AP4B1: variants seen among roughly 807,000 people sequenced by gnomAD.
AP4B1 encodes AP-4 complex subunit beta-1.
Under a neutral mutation model 76.5 loss-of-function variants are expected in AP4B1, and 49 were observed. The observed-to-expected ratio is 0.64, with a 90% CI of 0.51 to 0.81. The LOEUF (loss-of-function observed/expected upper bound fraction) is 0.81, where lower values mean the gene tolerates loss of function less well. Ranked by LOEUF, AP4B1 falls within the 40% of genes least tolerant of loss-of-function variation. The pLI is 0.00. For missense variants in AP4B1, 911 were observed against 904.9 expected (o/e 1.01, Z -0.09); for synonymous variants, 330 against 333.3 (o/e 0.99, Z 0.11).
chr1:113,897,783 G>C (rs767021445), intron 7 of AP4B1, 57 bp downstream of exon 7: 174 of 1,568,812 alleles, frequency 1.1e-4, no homozygotes, highest in Non-Finnish European at 1.5e-4. Context: ...CCATTTCAAA[G>C]GGCAGGGTTT....
chr1:113,896,240 T>G lies in AP4B1; in HGVS notation c.1510+18A>C. The stretch of plus-strand genomic sequence containing the variant: ...ACTATGGGTCATGGCAAATACTATT[T>G]CCTTCTGAAAAACCCACCTATGCAG... On this transcript the variant is annotated intron_variant, in intron 8 of 9. Coordinates refer to ENST00000369569, the MANE Select transcript of AP4B1 (RefSeq NM_001253852.3). The G allele has an allele frequency of 6.2e-7, 1 of 1,613,708 alleles. No homozygotes were observed. The highest frequency in any genetic ancestry group is 8.5e-7 in the Non-Finnish European group (1 of 1,179,596).
chr1:113,904,134 C>A (rs1668665897), intron 1 of AP4B1, among the ~76,000 whole-genome samples: 1 of 152,136 alleles, frequency 6.6e-6, no homozygotes, highest in Admixed American at 6.5e-5. Context: ...GAATTCAAAC[C>A]ATCTGACATA....
chr1:113,904,945 C>T (rs865904191), upstream of AP4B1: 2 of 511,712 alleles, frequency 3.9e-6, no homozygotes, highest in African/African-American at 1.9e-5. Flanking sequence ...GCCCTACCGT[C>T]GGCCGGCAGG....
At position 113,897,858 on chromosome 1, in the gene AP4B1, C is replaced by G; in HGVS notation, c.1284G>C (p.Glu428Asp). ...AGTCTACCTCACTATCTTGAATGTT[C>G]TCTTCACAGCCGGGCAGGGCCTGAC... ...AVCQALPGCE[E>D]NIQDSEGKQA... Residue 428 changes from glutamate to aspartate, a missense_variant, in exon 7 of 10, where the codon GAG becomes GAC. Transcript: ENST00000369569. 1 of 1,614,174 alleles carries G rather than the reference C, an allele frequency of 6.2e-7. No individual in the cohort carries two copies. The highest frequency in any genetic ancestry group is 1.6e-4 in the Middle Eastern group (1 of 6,062).
At chr1:113,902,501 G>A (rs935693859) in intron 2 of AP4B1, 137 bp downstream of exon 2, 33 of 887,702 alleles carry the variant, frequency 3.7e-5, no homozygotes, top group African/African-American at 8.4e-5. Flanking sequence ...AGCAGTGGCT[G>A]AAAATCTGAG....
chr1:113,895,845 G>A lies in AP4B1; in HGVS notation c.1704C>T (p.Gly568=). Residue 568 remains glycine (G), a synonymous_variant, in exon 9 of 10, where the codon GGC becomes GGT. Transcript: ENST00000369569. ...TAGAGATAGTTGCCCAGTGGGCTTT[G>A]CCATACACTGGCACCAGTGTGTTGA... ...SDFNTLVPVY[G]KAHWATISKC... 6.2e-7 allele frequency: 1 copy of A among 1,614,238 alleles called. No individual in the cohort carries two copies. Among genetic ancestry groups the A allele is most frequent in the Non-Finnish European group, 8.5e-7 (1 of 1,180,032 alleles).
intron 3 of AP4B1, 94 bp downstream of exon 3, chr1:113,901,661 G>C: frequency 1.3e-6 from 2 of 1,531,606 alleles, no homozygotes; most frequent in South Asian, 2.3e-5. Flanking sequence ...CAGAACTGGG[G>C]CCACATTATT....
chr1:113,904,768 G>A lies in AP4B1; in HGVS notation c.-51C>T. 6.8e-7 allele frequency: 1 copy of A among 1,473,594 alleles called. No individual in the cohort carries two copies. Among genetic ancestry groups the A allele is most frequent in the Non-Finnish European group, 9.5e-7 (1 of 1,053,770 alleles). The allele number at this position is 1,473,594 out of a possible 1,614,324, so 91.3% of individuals were successfully genotyped here. On this transcript the variant is annotated 5_prime_UTR_variant, in exon 1 of 10. Transcript: ENST00000369569. ...CCACAGCTCCCACGGTAACTCGAGG[G>A]CTCCTTCTCGTCCTGATGTGGGAGC... is the stretch of plus-strand genomic sequence containing the variant.
At chr1:113,896,930 G>T in intron 7 of AP4B1, 1 of 183,956 alleles carries the variant, frequency 5.4e-6, no homozygotes, top group Non-Finnish European at 1.1e-5. Flanking sequence ...GATCACCTGA[G>T]GTCAGGAGTT....
rs184266726 is a variant in AP4B1, at chr1:113,895,339, C to T, written c.1946G>A (p.Arg649Gln). Residue 649 changes from arginine (R) to glutamine (Q), a missense_variant, in exon 10 of 10, where the codon CGG (arginine) becomes CAG (glutamine). Coordinates refer to ENST00000369569, the MANE Select transcript of AP4B1 (RefSeq NM_001253852.3). ...GAGGGTGTCAGGATGGAATTCTCCC[C>T]GCCAAGGCAACACTTGCTGATGAGC... ...KVAHQQVLPWRGEFHPDTLQM... is the reference protein window; with the variant it reads ...KVAHQQVLPWQGEFHPDTLQM... 14 of 1,614,164 alleles carry T rather than the reference C, an allele frequency of 8.7e-6. 1 individual carries two copies. The highest frequency in any genetic ancestry group is 6.7e-5 in the Admixed American group (4 of 60,026).
chr1:113,903,693 T>C (rs553659710), intron 1 of AP4B1, among the ~76,000 whole-genome samples: 7 of 152,282 alleles, frequency 4.6e-5, no homozygotes, highest in African/African-American at 1.7e-4. Flanking sequence ...ATACATGCTA[T>C]GAGGTAAGTA....
chr1:113,895,256 G>A lies in AP4B1; in HGVS notation c.2029C>T (p.Arg677Trp), dbSNP rs1471215054. ...GCACTGAGGTATGCTTTCCATGGCC[G>A]AGACCCAGCCCTACTCATTGCGATG... ...QTIAMSRAGS[R>W]PWKAYLSAQD... The change falls in exon 10 of 10, where the codon CGG becomes TGG. Residue 677 changes from arginine (R) to tryptophan (W), a missense_variant. Arg to Trp is a moderately radical substitution (Grantham distance 101, BLOSUM62 -3). Coordinates refer to ENST00000369569, the MANE Select transcript of AP4B1 (RefSeq NM_001253852.3). 1.2e-6 allele frequency: 2 copies of A among 1,614,170 alleles called. No homozygotes were observed. The highest frequency in any genetic ancestry group is 1.1e-5 in the South Asian group (1 of 91,084).
rs754479105 is a variant in AP4B1, at chr1:113,901,252, G to A, written c.601C>T (p.His201Tyr). Residue 201 changes from histidine to tyrosine, a missense_variant, in exon 4 of 10, where the codon CAC becomes TAC. His to Tyr is a moderately conservative substitution (Grantham distance 83, BLOSUM62 2). Transcript: ENST00000369569. ...GGVVINKPIA[H>Y]HLLNRMSKLD... The stretch of plus-strand genomic sequence containing the variant: ...CATCCAAACCGATTTAAGAGATGGT[G>A]AGCAATGGGCTTATTGATGACAACG... 14 of 1,614,160 alleles carry A rather than the reference G, an allele frequency of 8.7e-6. No individual in the cohort carries two copies. The highest frequency in any genetic ancestry group is 1.3e-5 in the African/African-American group (1 of 75,042).
intron 3 of AP4B1, 31 bp downstream of exon 3, chr1:113,901,724 C>T: frequency 6.2e-7 from 1 of 1,613,916 alleles, no homozygotes; most frequent in Non-Finnish European, 8.5e-7. Context: ...AATGGAGGCA[C>T]ATTGACCATG....
Position 113,899,887 on chromosome 1 carries a change from AAGG to A in AP4B1, c.1114+14_1114+16del. The A allele has an allele frequency of 2.5e-6, 4 of 1,614,142 alleles. No homozygotes were observed. Among genetic ancestry groups the A allele is most frequent in the Non-Finnish European group, 3.4e-6 (4 of 1,180,030 alleles). On this transcript the variant is annotated intron_variant, in intron 5 of 9. Coordinates refer to ENST00000369569, the MANE Select transcript of AP4B1 (RefSeq NM_001253852.3). ...GCTGGTCTAGGTTCTCAAGAAGGAA[AAGG>A]AGCAGACACCTACCTATGGCAAAGA...
intron 5 of AP4B1, chr1:113,899,343 A>G (rs1667917847): frequency 9.9e-7 from 1 of 1,012,406 alleles, no homozygotes; most frequent in African/African-American, 1.7e-5. Flanking sequence ...ACAGGGTACT[A>G]TGAAAAAGTC....
chr1:113,900,413 C>G lies in AP4B1; in HGVS notation c.618-13G>C, dbSNP rs3789613. 0.36 allele frequency: 579,240 copies of G among 1,610,424 alleles called. 111,670 individuals carry two copies. The highest frequency in any genetic ancestry group is 0.74 in the East Asian group (33,254 of 44,848). ...CAGTTTTGACATTCTATCCAAAAAACAAAACAAAAGAGCTATTTTAGCAAC... is the reference window on the plus strand; with the variant it reads ...CAGTTTTGACATTCTATCCAAAAAAGAAAACAAAAGAGCTATTTTAGCAAC... On this transcript the variant is annotated splice_polypyrimidine_tract_variant and intron_variant, in intron 4 of 9. Transcript: ENST00000369569.
Position 113,904,756 on chromosome 1 carries a change from G to C in AP4B1, c.-39C>G. 6.5e-7 allele frequency: 1 copy of C among 1,541,068 alleles called. No homozygotes were observed. Among genetic ancestry groups the C allele is most frequent in the African/African-American group, 1.4e-5 (1 of 73,604 alleles). On this transcript the variant is annotated 5_prime_UTR_variant, in exon 1 of 10. Coordinates refer to ENST00000369569, the MANE Select transcript of AP4B1 (RefSeq NM_001253852.3). ...ACAGGGCAGCTCCCACAGCTCCCAC[G>C]GTAACTCGAGGGCTCCTTCTCGTCC...
rs111785152 is a variant in AP4B1, at chr1:113,900,120, C to A, written c.898G>T (p.Val300Leu). 308 of 1,614,200 alleles carry A rather than the reference C, an allele frequency of 1.9e-4. No homozygotes were observed. The African/African-American group carries it at 3.7e-3, about 20-fold the overall frequency. Residue 300 changes from valine to leucine, a missense_variant, in exon 5 of 10, where the codon GTA (valine) becomes TTA (leucine). Val to Leu is a conservative substitution (Grantham distance 32, BLOSUM62 1). Transcript: ENST00000369569. ...GGTAAACTATGCAAGATCTGGCGTA[C>A]ATGACAAAGAGCAACAAAACAGAGC... Reference protein sequence around the residue: ...RELCFVALCHVRQILHSLPGH... With the variant: ...RELCFVALCHLRQILHSLPGH...
Sources: allele counts gnomAD v4.1 joint callset (sites outside exome capture counted in the v4.1 genomes callset), GRCh38; gene constraint gnomAD v4.1.1; transcripts MANE v1.5; gene names NCBI Gene and HGNC (gene_info 2026-07-23, HGNC 2026-07-21).